MPV17: variants seen among roughly 807,000 people sequenced by gnomAD.
The protein encoded by MPV17 is MPV17, mitochondrial inner membrane protein.
In MPV17, 31 loss-of-function variants were observed where a neutral mutation model predicts 28.6. That is an observed-to-expected ratio of 1.08 (90% CI 0.81 to 1.46). MPV17 has a LOEUF of 1.46. Ranked by LOEUF, MPV17 falls within the 40% of genes most tolerant of loss-of-function variation. MPV17 has a pLI of 0.00. For synonymous variants in MPV17, 87 were observed against 85.3 expected, an observed-to-expected ratio of 1.02 and a Z score of -0.11; for missense variants, 198 against 216.2, an observed-to-expected ratio of 0.92 and a Z score of 0.53.
At chr2:27,322,563 T>C (rs1679900405) in intron 1 of MPV17, 41 bp from the exon 2 acceptor site, 10 of 1,550,814 alleles carry the variant, frequency 6.4e-6, no homozygotes, top group Non-Finnish European at 8.9e-6. Flanking sequence ...CCACCGTCCC[T>C]CTCCACGACT....
chr2:27,322,431 C>T lies in MPV17; in HGVS notation c.70+17G>A, dbSNP rs759208529. ...CAGTCTGCCCTGGTCCCACTCAAGT[C>T]CTAGAGGGACACTCACCAGCTGTCA... On this transcript the variant is annotated intron_variant, in intron 2 of 7. Transcript: ENST00000380044. 6.2e-7 allele frequency: 1 copy of T among 1,611,072 alleles called. No individual in the cohort carries two copies. The highest frequency in any genetic ancestry group is 2.2e-5 in the East Asian group (1 of 44,872).
rs538698009 is a variant in MPV17 at position 27,317,180 on chromosome 2, C to T, written c.71-4071G>A. On this transcript the variant is annotated intron_variant, in intron 2 of 7. Transcript: ENST00000380044. The surrounding 1 kb of genome is among the most constrained non-coding windows in gnomAD (Gnocchi z 4.0). Reference sequence around the variant, plus strand: ...GTCCTTCAGTCCAGGAGGCCTGGGTCGGCAGGTATAGCTACTGGCATGGGG... The same window carrying T: ...GTCCTTCAGTCCAGGAGGCCTGGGTTGGCAGGTATAGCTACTGGCATGGGG... 7.7e-6 allele frequency: 12 copies of T among 1,550,128 alleles called. No homozygotes were observed. Among genetic ancestry groups the T allele is most frequent in the Middle Eastern group, 3.4e-4 (2 of 5,938 alleles).
rs1483145848 is a variant in MPV17, at chr2:27,322,488, G to A, written c.30C>T (p.Ala10=). ...GTACTTTCCACGGGTGAGCGGCCAG[G>A]GCCCGCTGGTATGCCCGCCAGAGTG... is the stretch of plus-strand genomic sequence containing the variant. MALWRAYQR[A]LAAHPWKVQV... The change falls in exon 2 of 8, where the codon GCC becomes GCT. Residue 10 remains alanine, a synonymous_variant. Coordinates refer to ENST00000380044, the MANE Select transcript of MPV17 (RefSeq NM_002437.5). 5.0e-6 allele frequency: 8 copies of A among 1,613,936 alleles called. No homozygotes were observed. Among genetic ancestry groups the A allele is most frequent in the South Asian group, 4.4e-5 (4 of 91,094 alleles).
In MPV17 at chr2:27,322,443, C is replaced by T. The variant is rs267607268; in HGVS notation, c.70+5G>A. On this transcript the variant is annotated splice_donor_5th_base_variant and intron_variant, in intron 2 of 7. Coordinates refer to ENST00000380044, the MANE Select transcript of MPV17 (RefSeq NM_002437.5). ...GTCCCACTCAAGTCCTAGAGGGACA[C>T]TCACCAGCTGTCAGGACCTGTACTT... The T allele has an allele frequency of 1.2e-6, 2 of 1,613,696 alleles. No individual in the cohort carries two copies. Among genetic ancestry groups the T allele is most frequent in the Non-Finnish European group, 1.7e-6 (2 of 1,179,762 alleles).
rs113644818 is a variant in MPV17, at chr2:27,315,996, C to T, written c.71-2887G>A. 6,455 of 1,534,312 alleles carry T rather than the reference C, an allele frequency of 4.2e-3. 21 individuals carry two copies. The highest frequency in any genetic ancestry group is 5.1e-3 in the Non-Finnish European group (5,757 of 1,139,844). On this transcript the variant is annotated intron_variant, in intron 2 of 7. Transcript: ENST00000380044. ...TTCCTGGCATGGGCTGAGATGGGCTCAGAGGTCAGTGGCACCAGGAGGCCC... is the reference window on the plus strand; with the variant it reads ...TTCCTGGCATGGGCTGAGATGGGCTTAGAGGTCAGTGGCACCAGGAGGCCC...
Position 27,310,001 on chromosome 2 carries a change from C to T in MPV17, c.462-20G>A, listed in dbSNP as rs760897984. The T allele has an allele frequency of 5.0e-6, 8 of 1,602,900 alleles. No homozygotes were observed. The Admixed American group carries it at 1.0e-4, about 20-fold the overall frequency. On this transcript the variant is annotated intron_variant, in intron 7 of 7. Transcript: ENST00000380044. ...GCCAACCTAAGGAACAGGAATAACA[C>T]AATGAAGAGGAGGAAGGCTAAGCAG...
In MPV17 at chr2:27,313,057, C is replaced by A; in HGVS notation, c.123G>T (p.Arg41=). 1.2e-6 allele frequency: 2 copies of A among 1,614,198 alleles called. No individual in the cohort carries two copies. Among genetic ancestry groups the A allele is most frequent in the Non-Finnish European group, 1.7e-6 (2 of 1,180,038 alleles). ...GGCCTCTCTGGTGTTCCTGCAGACC[C>A]CGCCTCTCCACCAGCTGCTGTGAGA... ...DIISQQLVER[R]GLQEHQRGRT... Residue 41 remains arginine, a synonymous_variant, in exon 3 of 8, where the codon CGG becomes CGT. Transcript: ENST00000380044.
At position 27,311,954 on chromosome 2, in the gene MPV17, G is replaced by A. The variant is rs776651400; in HGVS notation, c.409-3C>T. On this transcript the variant is annotated splice_region_variant and splice_polypyrimidine_tract_variant and intron_variant, in intron 6 of 7. Transcript: ENST00000380044. The stretch of plus-strand genomic sequence containing the variant: ...GCTAACTGCACAGCAGGCCATAGCT[G>A]CAAGAGAAAATGTAAAGGTTGGATG... The A allele has an allele frequency of 5.6e-6, 9 of 1,613,482 alleles. No individual in the cohort carries two copies. The highest frequency in any genetic ancestry group is 7.6e-6 in the Non-Finnish European group (9 of 1,179,958).
chr2:27,312,429 C>A, intron 5 of MPV17, 65 bp downstream of exon 5: 1 of 1,558,544 alleles, frequency 6.4e-7, no homozygotes, highest in South Asian at 1.1e-5. Flanking sequence ...CCTGTAAAAC[C>A]TGTCTTCTTC....
intron 2 of MPV17, chr2:27,313,427 C>A: frequency 1.7e-6 from 1 of 586,864 alleles, no homozygotes; most frequent in South Asian, 2.1e-5. Context: ...GGGCTGAGAA[C>A]CACAGACTGT....
At chr2:27,311,520 C>G (rs1558598088) in intron 7 of MPV17, 2 of 1,404,872 alleles carry the variant, frequency 1.4e-6, no homozygotes, top group East Asian at 2.5e-5. Flanking sequence ...CAGCAACTGT[C>G]TTTATTGTGA....
intron 7 of MPV17, among the ~76,000 whole-genome samples, chr2:27,310,674 C>T (rs1221320651): frequency 6.6e-6 from 1 of 152,224 alleles, no homozygotes; most frequent in African/African-American, 2.4e-5. Context: ...TAACCTTGCT[C>T]TGGTTTCAAA....
chr2:27,311,406 T>C (rs576432990), intron 7 of MPV17: 139 of 633,992 alleles, frequency 2.2e-4, no homozygotes, highest in Non-Finnish European at 3.4e-4. Flanking sequence ...ATTTTGGCCC[T>C]GTTCCCTCTG....
chr2:27,312,635 T>C, intron 4 of MPV17, 45 bp downstream of exon 4: 1 of 1,612,628 alleles, frequency 6.2e-7, no homozygotes, highest in Non-Finnish European at 8.5e-7. Flanking sequence ...AATCCCCACC[T>C]ACCCCCAACA....
intron 2 of MPV17, among the ~76,000 whole-genome samples, chr2:27,319,925 CAAA>C (rs780007083): frequency 1.9e-4 from 18 of 93,728 alleles, no homozygotes; most frequent in Admixed American, 3.6e-4. Context: ...CACCTTATCT[CAAA>C]AAAAAAAAAA....
At chr2:27,316,761 G>T in intron 2 of MPV17, 1 of 283,828 alleles carries the variant, frequency 3.5e-6, no homozygotes, top group South Asian at 6.9e-5. Context: ...CTGGAGGCCT[G>T]CAGACACATA....
In MPV17 at chr2:27,322,385, GC is replaced by G. The variant is rs1468426230; in HGVS notation, c.70+62del. The stretch of plus-strand genomic sequence containing the variant: ...CAGGAAGTGAGGGTGGTGCAGTGGG[GC>G]AAGCCTCTGGCTTCCAAATCAGTCT... On this transcript the variant is annotated intron_variant, in intron 2 of 7. Transcript: ENST00000380044. 2.0e-5 allele frequency: 28 copies of G among 1,415,222 alleles called. No individual in the cohort carries two copies. In the East Asian group the frequency reaches 6.4e-4, roughly 32 times the overall value. The allele number at this position is 1,415,222 out of a possible 1,614,324, so 87.7% of individuals were successfully genotyped here. A position where few individuals can be genotyped will look rare whatever the true frequency, so the allele number is the denominator to read the frequency against.
Position 27,312,576 on chromosome 2 carries a change from G to C in MPV17, c.293C>G (p.Pro98Arg). ...TGGGAGAAAGCAGCCTAGAAAACAC[G>C]GGGCAAAGCCCCCCTAGGGAAGAGA... ...KMLLDQGGFA[P>R]CFLGCFLPLV... Residue 98 changes from proline (P) to arginine (R), a missense_variant, in exon 5 of 8, where the codon CCG (proline) becomes CGG (arginine). Transcript: ENST00000380044. 6.2e-7 allele frequency: 1 copy of C among 1,614,088 alleles called. No homozygotes were observed. The highest frequency in any genetic ancestry group is 1.3e-5 in the African/African-American group (1 of 75,042).
intron 2 of MPV17, among the ~76,000 whole-genome samples, chr2:27,318,469 TG>T (rs1163675114): frequency 1.3e-5 from 2 of 152,002 alleles, no homozygotes; most frequent in Non-Finnish European, 1.5e-5. Flanking sequence ...GCAATTCTCC[TG>T]CCTCAGCCTC....
Sources: gnomAD v4.1 joint callset for allele counts (sites outside exome capture counted in the v4.1 genomes callset) on GRCh38, gnomAD v4.1.1 for gene constraint, Gnocchi (gnomAD v3.1) non-coding constraint, MANE v1.5 for transcripts, NCBI Gene and HGNC (gene_info 2026-07-23, HGNC 2026-07-21) for gene names.